Variants in SLTM observed in about 807,000 individuals in gnomAD.
SLTM encodes the protein SAFB like transcription modulator, also known as SAFB-like transcription modulator.
A neutral mutation model predicts 134.6 loss-of-function variants in SLTM; 43 were observed. The ratio of observed to expected loss-of-function variants is 0.32; its 90% confidence interval spans 0.25 to 0.41. The LOEUF (loss-of-function observed/expected upper bound fraction) is 0.41, where lower values mean the gene tolerates loss of function less well. SLTM is among the 10% of genes least tolerant of loss of function. The probability of loss-of-function intolerance (pLI) is 1.00; values close to 1 mark genes in which losing one functional copy is unlikely to be tolerated. For missense variants in SLTM, 1,055 were observed against 1,288.8 expected, an observed-to-expected ratio of 0.82 and a Z score of 2.78; for synonymous variants, 424 against 432.3, an observed-to-expected ratio of 0.98 and a Z score of 0.24.
chr15:58,883,931 C>T (rs1463740643), intron 19 of SLTM, 145 bp from the exon 20 acceptor site: 7 of 784,862 alleles, frequency 8.9e-6, no homozygotes, highest in Non-Finnish European at 1.4e-5. Context: ...AACCCCGTTT[C>T]TACTAAAAAT....
intron 15 of SLTM, 139 bp downstream of exon 15, chr15:58,890,142 T>C (rs1243664041): frequency 2.0e-5 from 18 of 891,542 alleles, no homozygotes; most frequent in Non-Finnish European, 3.1e-5. Context: ...TTCACTGTTA[T>C]CTTTCAGGGA....
chr15:58,896,034 A>G (rs2035052584), intron 9 of SLTM, among the ~76,000 whole-genome samples: 1 of 152,236 alleles, frequency 6.6e-6, no homozygotes, highest in South Asian at 2.1e-4. Context: ...TATTTGATGT[A>G]TATGAAAAAC....
intron 17 of SLTM, 46 bp downstream of exon 17, chr15:58,888,339 C>T (rs765903126): frequency 1.5e-5 from 23 of 1,498,686 alleles, no homozygotes; most frequent in Non-Finnish European, 1.9e-5. Context: ...AGAGTTATCA[C>T]TAGCAAGGCT....
intron 14 of SLTM, 38 bp downstream of exon 14, chr15:58,892,859 A>G (rs749282559): frequency 2.5e-6 from 4 of 1,579,262 alleles, no homozygotes; most frequent in East Asian, 2.2e-5. Context: ...ATATTTACCT[A>G]TATTTAAAGA....
intron 2 of SLTM, among the ~76,000 whole-genome samples, chr15:58,930,839 T>C (rs191665818): frequency 3.8e-4 from 57 of 151,470 alleles, no homozygotes; most frequent in African/African-American, 1.3e-3. Flanking sequence ...GCTGAAATTA[T>C]TTCTAATAAT....
chr15:58,891,204 C>A (rs1567112288), intron 14 of SLTM, among the ~76,000 whole-genome samples: 1 of 152,108 alleles, frequency 6.6e-6, no homozygotes, highest in Non-Finnish European at 1.5e-5. Flanking sequence ...TTAATTATCA[C>A]AATGACCATG....
At chr15:58,885,653 G>A (rs537603993) in intron 19 of SLTM, among the ~76,000 whole-genome samples, 25 of 152,180 alleles carry the variant, frequency 1.6e-4, no homozygotes, top group African/African-American at 4.8e-4. Flanking sequence ...GCGTGGTGGC[G>A]CACATCTGTA....
chr15:58,894,627 G>A, intron 9 of SLTM, 45 bp from the exon 10 acceptor site: 2 of 1,572,648 alleles, frequency 1.3e-6, no homozygotes, highest in East Asian at 2.3e-5. Context: ...AACGTTCCAA[G>A]TACACAGACT....
intron 2 of SLTM, among the ~76,000 whole-genome samples, chr15:58,926,433 T>C (rs12909653): frequency 0.08 from 12,161 of 152,218 alleles, 716 homozygotes; most frequent in East Asian, 0.26. Context: ...TGTGTTGTAA[T>C]ATGAAATGTG....
intron 2 of SLTM, among the ~76,000 whole-genome samples, chr15:58,925,073 T>TAAAAAAAA (rs61197202): frequency 8.0e-6 from 1 of 124,968 alleles, no homozygotes; most frequent in Admixed American, 8.5e-5. Flanking sequence ...GATAAAATGT[T>TAAAAAAAA]AAAAAAAAAA....
chr15:58,912,512 C>T (rs550677553), intron 5 of SLTM, 51 bp downstream of exon 5: 10 of 1,465,574 alleles, frequency 6.8e-6, no homozygotes, highest in Non-Finnish European at 9.6e-6. Context: ...ATTCCTTTTC[C>T]AAGCCCGTCC....
At chr15:58,888,636 C>A in intron 16 of SLTM, 81 bp from the exon 17 acceptor site, 2 of 1,371,214 alleles carry the variant, frequency 1.5e-6, no homozygotes, top group Non-Finnish European at 2.0e-6. Context: ...ATACATACCA[C>A]ATGTTAGAAC....
chr15:58,889,321 C>G, intron 16 of SLTM, 109 bp downstream of exon 16: 1 of 1,400,874 alleles, frequency 7.1e-7, no homozygotes, highest in Non-Finnish European at 9.8e-7. Context: ...CCCTGTTGAT[C>G]ATGACTTTTA....
chr15:58,887,123 T>C lies in SLTM; in HGVS notation c.2691-4A>G. 6.2e-7 allele frequency: 1 copy of C among 1,614,016 alleles called. No homozygotes were observed. Among genetic ancestry groups the C allele is most frequent in the Non-Finnish European group, 8.5e-7 (1 of 1,179,958 alleles). On this transcript the variant is annotated splice_polypyrimidine_tract_variant and splice_region_variant and intron_variant, in intron 18 of 20. Coordinates refer to ENST00000380516, the MANE Select transcript of SLTM (RefSeq NM_024755.4). ...AGATCGTTCTGGCCTTTCAACTCTG[T>C]TAAACAAAACATAAAAACATACATG... is the stretch of plus-strand genomic sequence containing the variant.
intron 14 of SLTM, among the ~76,000 whole-genome samples, chr15:58,891,157 G>C (rs565701629): frequency 7.9e-5 from 12 of 151,998 alleles, no homozygotes; most frequent in Non-Finnish European, 1.2e-4. Flanking sequence ...GTTCTCAATG[G>C]GTCAGTACTA....
chr15:58,893,409 T>G (rs1213237262), intron 12 of SLTM, 45 bp from the exon 13 acceptor site: 2 of 1,380,528 alleles, frequency 1.4e-6, no homozygotes, highest in Admixed American at 2.1e-5. Context: ...AATTTTTCAT[T>G]GAGAAAGAAA....
chr15:58,912,979 C>T (rs925716542), intron 4 of SLTM, among the ~76,000 whole-genome samples: 4 of 152,254 alleles, frequency 2.6e-5, no homozygotes, highest in Admixed American at 1.3e-4. Flanking sequence ...ATATTATCTG[C>T]TTTAAAATTA....
chr15:58,895,905 T>A (rs1313472226), intron 9 of SLTM, among the ~76,000 whole-genome samples: 1 of 152,206 alleles, frequency 6.6e-6, no homozygotes, highest in African/African-American at 2.4e-5. Context: ...TATTAATGGC[T>A]ATTTACCAAT....
chr15:58,910,369 A>C (rs1467648578), intron 5 of SLTM, among the ~76,000 whole-genome samples: 4 of 152,358 alleles, frequency 2.6e-5, no homozygotes, highest in African/African-American at 9.6e-5. Context: ...TTATGTTTCT[A>C]GATGTTCCAC....
Sources: allele counts gnomAD v4.1 joint callset (sites outside exome capture counted in the v4.1 genomes callset), GRCh38; gene constraint gnomAD v4.1.1; transcripts MANE v1.5; gene names NCBI Gene and HGNC (gene_info 2026-07-23, HGNC 2026-07-21).